The following CAPS2 variants were observed in gnomAD, a reference collection of about 807,000 sequenced individuals.
The protein encoded by CAPS2 is calcyphosine 2, also known as calcyphosin-2.
Under a neutral mutation model 86.5 loss-of-function variants are expected in CAPS2, and 98 were observed. The observed-to-expected ratio is 1.13, with a 90% confidence interval of 0.96 to 1.34. The LOEUF (loss-of-function observed/expected upper bound fraction) is 1.34, where lower values mean the gene tolerates loss of function less well. CAPS2 is among the 40% of genes most tolerant of loss of function. The pLI is 0.00. For missense variants in CAPS2, 729 were observed against 686.8 expected (o/e 1.06, Z -0.69); for synonymous variants, 210 against 225.1 (o/e 0.93, Z 0.60).
intron 5 of CAPS2, among the ~76,000 whole-genome samples, chr12:75,320,339 C>A (rs182879612): frequency 2.0e-3 from 309 of 152,210 alleles, no homozygotes; most frequent in African/African-American, 7.1e-3. Context: ...AACCTTCATT[C>A]CGTTTTCCCA....
At chr12:75,300,102 T>C (rs1222983731) in intron 8 of CAPS2, among the ~76,000 whole-genome samples, 191 bp from the exon 9 acceptor site, 1 of 152,196 alleles carries the variant, frequency 6.6e-6, no homozygotes, top group African/African-American at 2.4e-5. Flanking sequence ...TGAGATATAG[T>C]ATATAATACG....
At chr12:75,278,925 A>G in exon 17 of CAPS2, 1 of 1,598,416 alleles carries the variant, frequency 6.3e-7, no homozygotes, top group Non-Finnish European at 8.5e-7. Context: ...ATGTTAACAA[A>G]GTCTTCATCA....
At chr12:75,351,822 C>T (rs1020176135) in intron 1 of CAPS2, among the ~76,000 whole-genome samples, 1 of 152,190 alleles carries the variant, frequency 6.6e-6, no homozygotes, top group East Asian at 1.9e-4. Context: ...GCTGGGATTA[C>T]AGGCATGAGC....
intron 1 of CAPS2, chr12:75,363,240 T>C: frequency 2.3e-6 from 2 of 852,210 alleles, no homozygotes; most frequent in Non-Finnish European, 3.3e-6. Context: ...AAAGTTTCCA[T>C]ATATTTATTA....
rs71078726 is a variant in CAPS2 at position 75,377,840 on chromosome 12, G to GATATATATAT, written c.-395+12988_-395+12997dup. On this transcript the variant is annotated intron_variant, in intron 1 of 5. Transcript: ENST00000551829. ...TTGATACTTAATATTAACCATCACA[G>GATATATATAT]ATATATATATATATATATATGCGTG... Among the ~76,000 whole-genome samples the GATATATATAT allele has an allele frequency of 4.2e-3, 618 of 146,954 alleles. 5 individuals carry two copies. Among genetic ancestry groups the GATATATATAT allele is most frequent in the Middle Eastern group, 7.1e-3 (2 of 280 alleles).
intron 1 of CAPS2, among the ~76,000 whole-genome samples, chr12:75,363,550 C>T (rs1451064004): frequency 6.6e-6 from 1 of 152,106 alleles, no homozygotes; most frequent in Admixed American, 6.6e-5. Context: ...ATTTGTCAGT[C>T]AATGTCCAAA....
upstream of CAPS2, among the ~76,000 whole-genome samples, chr12:75,329,072 C>T (rs560565690): frequency 6.6e-6 from 1 of 152,294 alleles, no homozygotes; most frequent in East Asian, 1.9e-4. Context: ...AACTGTACTT[C>T]GCTAAATGTT....
chr12:75,382,210 A>G (rs1411737419), intron 1 of CAPS2, among the ~76,000 whole-genome samples: 1 of 152,252 alleles, frequency 6.6e-6, no homozygotes, highest in Non-Finnish European at 1.5e-5. Flanking sequence ...TACAGAGAAC[A>G]AAATAATACA....
intron 1 of CAPS2, chr12:75,363,196 C>G: frequency 1.6e-6 from 2 of 1,289,490 alleles, no homozygotes; most frequent in Non-Finnish European, 2.1e-6. Context: ...CTGCAGTAAG[C>G]AAAAATATAT....
intron 1 of CAPS2, among the ~76,000 whole-genome samples, chr12:75,365,730 TAGTC>T (rs1353513527): frequency 6.6e-6 from 1 of 152,150 alleles, no homozygotes; most frequent in Non-Finnish European, 1.5e-5. Flanking sequence ...AAAACTGTGA[TAGTC>T]ATCATTTAAA....
intron 11 of CAPS2, among the ~76,000 whole-genome samples, chr12:75,297,215 T>C (rs537042125): frequency 1.7e-4 from 26 of 152,340 alleles, no homozygotes; most frequent in African/African-American, 6.0e-4. Context: ...TTTTTGGAGA[T>C]ATCAGCTCAA....
At chr12:75,282,189 A>G in intron 16 of CAPS2, 62 bp downstream of exon 16, 2 of 918,206 alleles carry the variant, frequency 2.2e-6, no homozygotes, top group South Asian at 2.7e-5. Context: ...ATTAATATAA[A>G]GATATTATCT....
chr12:75,378,346 G>A (rs1381389387), intron 1 of CAPS2, among the ~76,000 whole-genome samples: 1 of 152,122 alleles, frequency 6.6e-6, no homozygotes, highest in Non-Finnish European at 1.5e-5. Context: ...TTATATTTAA[G>A]TCTGCTTACA....
At position 75,278,947 on chromosome 12, in the gene CAPS2, T is replaced by C. The variant is rs1182857475; in HGVS notation, c.1731A>G (p.Ile577Met). Residue 577 changes from isoleucine to methionine, a missense_variant, in exon 17 of 17, where the codon ATA (isoleucine) becomes ATG (methionine). By Grantham distance (10) the Ile-to-Met change is conservative. Transcript: ENST00000393284. ...CAAAGTCTTCATCATCTACTATTCC[T>C]ATACTTAAACCTTCATAGTAATCTT... 1.9e-6 allele frequency: 3 copies of C among 1,608,732 alleles called. No homozygotes were observed. The Admixed American group carries it at 5.1e-5, about 27-fold the overall frequency.
Position 75,390,502 on chromosome 12 carries a change from C to A in CAPS2, c.-395+336G>T, listed in dbSNP as rs1002080743. ...GGTTCATTTAAAAACTGAAAAAAATCTCATCAATTAAGTTGGCCTTAAGAA... is the reference window on the plus strand; with the variant it reads ...GGTTCATTTAAAAACTGAAAAAAATATCATCAATTAAGTTGGCCTTAAGAA... On this transcript the variant is annotated intron_variant, in intron 1 of 5. Transcript: ENST00000551829. 6 of 403,898 alleles carry A rather than the reference C, an allele frequency of 1.5e-5. No homozygotes were observed. In the Admixed American group the frequency reaches 1.9e-4, roughly 13 times the overall value. The allele number at this position is 403,898 out of a possible 1,614,324, so 25.0% of individuals were successfully genotyped here. A position where few individuals can be genotyped will look rare whatever the true frequency, so the allele number is the denominator to read the frequency against.
rs556740394 is a variant in CAPS2, at chr12:75,299,840, G to C, written c.851C>G (p.Ser284Ter). The C allele has an allele frequency of 6.7e-7, 1 of 1,483,542 alleles. No individual in the cohort carries two copies. Among genetic ancestry groups the C allele is most frequent in the Non-Finnish European group, 9.2e-7 (1 of 1,083,956 alleles). The allele number at this position is 1,483,542 out of a possible 1,614,324, so 91.9% of individuals were successfully genotyped here. ...ATTTTAATAAAATCACAATTACCGT[G>C]ATACGATCCTACCATCAAACTGTAA... Residue 284 changes from serine to a stop codon, truncating the protein, a stop_gained, in exon 9 of 17, where the codon TCA becomes TGA. Coordinates refer to ENST00000393284, the Ensembl canonical transcript of CAPS2. LOFTEE classifies it high-confidence loss of function.
chr12:75,345,699 G>C (rs779865137), intron 1 of CAPS2, among the ~76,000 whole-genome samples: 31 of 152,188 alleles, frequency 2.0e-4, no homozygotes, highest in Non-Finnish European at 3.1e-4. Context: ...TTGAGAGAAT[G>C]AATCAGGTGT....
At chr12:75,383,878 T>C (rs1020834625) in intron 1 of CAPS2, among the ~76,000 whole-genome samples, 3 of 152,070 alleles carry the variant, frequency 2.0e-5, no homozygotes, top group Non-Finnish European at 4.4e-5. Context: ...ATGATAACCA[T>C]AAAATTCCAA....
At chr12:75,369,855 TA>T (rs2044243956) in intron 1 of CAPS2, 1 of 1,333,850 alleles carries the variant, frequency 7.5e-7, no homozygotes, top group East Asian at 2.7e-5. Context: ...AAAGTCAAAC[TA>T]ATTTTTGTTA....
Sources: gnomAD v4.1 joint callset for allele counts (sites outside exome capture counted in the v4.1 genomes callset) on GRCh38, gnomAD v4.1.1 for gene constraint, MANE v1.5 for transcripts, NCBI Gene and HGNC (gene_info 2026-07-23, HGNC 2026-07-21) for gene names.